NAA11: variants seen among roughly 807,000 people sequenced by gnomAD.
NAA11 encodes the protein N-alpha-acetyltransferase 11, NatA catalytic subunit, also known as N-alpha-acetyltransferase 11.
NAA11 carries 15 observed loss-of-function variants against 16.1 expected under a neutral mutation model. The observed-to-expected ratio is 0.93, with a 90% CI of 0.62 to 1.44. NAA11 has a LOEUF of 1.44. Ranked by LOEUF, NAA11 falls within the 40% of genes most tolerant of loss-of-function variation. NAA11 has a pLI of 0.00. For missense variants in NAA11, 298 were observed against 291.3 expected (o/e 1.02, Z -0.17); for synonymous variants, 122 against 112.4 (o/e 1.09, Z -0.54).
rs372353454 is a variant in NAA11, at chr4:79,325,542, C to T, written c.336G>A (p.Arg112=). Residue 112 remains arginine, a synonymous_variant, in exon 1 of 2, where the codon AGG becomes AGA. Transcript: ENST00000286794. ...FNAKYVSLHV[R]KSNRPALHLY... ...GGTGCAAGGCTGGCCGGTTACTCTT[C>T]CTGACGTGCAGAGACACGTATTTGG... The T allele has an allele frequency of 4.6e-5, 75 of 1,614,016 alleles. No individual in the cohort carries two copies. The highest frequency in any genetic ancestry group is 6.0e-5 in the Non-Finnish European group (71 of 1,179,998).
At chr4:79,200,093 A>G in the NAA11 span, among the ~76,000 whole-genome samples, 13 of 151,980 alleles carry the variant, frequency 8.6e-5, no homozygotes, top group African/African-American at 2.6e-4. Flanking sequence ...ACGAGAAGGC[A>G]TAGATCATGG....
chr4:79,187,508 G>A, the NAA11 span, among the ~76,000 whole-genome samples: 1 of 152,130 alleles, frequency 6.6e-6, no homozygotes, highest in Admixed American at 6.5e-5. Flanking sequence ...AATACTAACC[G>A]TGACAGTTAG....
the NAA11 span, among the ~76,000 whole-genome samples, chr4:79,209,127 T>C: frequency 6.6e-6 from 1 of 152,064 alleles, no homozygotes; most frequent in Admixed American, 6.6e-5. Flanking sequence ...GAACAATTTT[T>C]GAAATGTCGG....
the NAA11 span, among the ~76,000 whole-genome samples, chr4:79,162,347 C>G: frequency 6.6e-6 from 1 of 151,992 alleles, no homozygotes; most frequent in East Asian, 1.9e-4. Flanking sequence ...ATAGTTCTGC[C>G]TAATAAAAAA....
intron 1 of NAA11, among the ~76,000 whole-genome samples, chr4:79,297,982 C>T (rs1440366644): frequency 6.6e-6 from 1 of 152,216 alleles, no homozygotes; most frequent in African/African-American, 2.4e-5. Context: ...ACTTCCTCCC[C>T]ACTGAGGCTG....
the NAA11 span, among the ~76,000 whole-genome samples, chr4:79,195,495 C>A: frequency 9.9e-3 from 1,513 of 152,146 alleles, 31 homozygotes; most frequent in African/African-American, 0.033. Context: ...CTTTTAAAAT[C>A]TTTAAGAAAA....
the NAA11 span, among the ~76,000 whole-genome samples, chr4:79,204,980 G>T: frequency 6.6e-6 from 1 of 151,224 alleles, no homozygotes; most frequent in South Asian, 2.1e-4. Flanking sequence ...GTGGGTGTGT[G>T]TATATGTATA....
the NAA11 span, among the ~76,000 whole-genome samples, chr4:79,197,083 G>A: frequency 6.6e-6 from 1 of 151,078 alleles, no homozygotes; most frequent in Non-Finnish European, 1.5e-5. Context: ...ACAGATTTCT[G>A]ACTTCCACAA....
At chr4:79,187,113 G>T in the NAA11 span, among the ~76,000 whole-genome samples, 1 of 152,014 alleles carries the variant, frequency 6.6e-6, no homozygotes, top group African/African-American at 2.4e-5. Flanking sequence ...CATTTGGTTT[G>T]TCAGCTTTTC....
At chr4:79,234,709 A>C (rs1466134432) in intron 2 of NAA11, among the ~76,000 whole-genome samples, 1 of 152,114 alleles carries the variant, frequency 6.6e-6, no homozygotes, top group Non-Finnish European at 1.5e-5. Flanking sequence ...TGACCTTTTA[A>C]TAAGAATACA....
the NAA11 span, among the ~76,000 whole-genome samples, chr4:79,203,295 A>G: frequency 1.3e-5 from 2 of 151,770 alleles, no homozygotes; most frequent in African/African-American, 2.4e-5. Flanking sequence ...AGGTATTTGA[A>G]GCATCTTGCA....
intron 1 of NAA11, among the ~76,000 whole-genome samples, chr4:79,318,497 A>G (rs1172577451): frequency 6.6e-6 from 1 of 152,184 alleles, no homozygotes; most frequent in East Asian, 1.9e-4. Flanking sequence ...CTTTTCATCT[A>G]TCATATGCAC....
At chr4:79,211,255 C>G in the NAA11 span, among the ~76,000 whole-genome samples, 1 of 152,042 alleles carries the variant, frequency 6.6e-6, no homozygotes, top group East Asian at 1.9e-4. Context: ...TGAGCATGTT[C>G]TAATAAAGGC....
chr4:79,271,999 TAC>T (rs955211239), intron 2 of NAA11, among the ~76,000 whole-genome samples: 19 of 151,556 alleles, frequency 1.3e-4, no homozygotes, highest in East Asian at 3.9e-4. Context: ...TATATATGTA[TAC>T]ACACACACAC....
intron 2 of NAA11, among the ~76,000 whole-genome samples, chr4:79,234,643 T>G (rs1392897161): frequency 6.6e-6 from 1 of 152,114 alleles, no homozygotes; most frequent in African/African-American, 2.4e-5. Flanking sequence ...AATAGCCCCA[T>G]AAAACTTGTA....
chr4:79,323,954 G>A, intron 1 of NAA11, among the ~76,000 whole-genome samples: 1 of 150,746 alleles, frequency 6.6e-6, no homozygotes, highest in Admixed American at 6.6e-5. Flanking sequence ...AGTGAGCCGA[G>A]ATCGCGCCAC....
chr4:79,190,065 CA>C, the NAA11 span, among the ~76,000 whole-genome samples: 1 of 152,122 alleles, frequency 6.6e-6, no homozygotes, highest in African/African-American at 2.4e-5. Flanking sequence ...ACAGCAGAAA[CA>C]AAAAACCCGC....
the NAA11 span, among the ~76,000 whole-genome samples, chr4:79,200,447 A>C: frequency 6.6e-6 from 1 of 151,802 alleles, no homozygotes; most frequent in African/African-American, 2.4e-5. Flanking sequence ...CATTGGAATT[A>C]AGAGCAATAG....
At chr4:79,275,736 A>G (rs918100451) in intron 2 of NAA11, among the ~76,000 whole-genome samples, 1 of 152,122 alleles carries the variant, frequency 6.6e-6, no homozygotes, top group Admixed American at 6.6e-5. Context: ...GATAAGGATT[A>G]TAAAACTGAG....
Sources: gnomAD v4.1 joint callset for allele counts (sites outside exome capture counted in the v4.1 genomes callset) on GRCh38, gnomAD v4.1.1 for gene constraint, MANE v1.5 for transcripts, NCBI Gene and HGNC (gene_info 2026-07-23, HGNC 2026-07-21) for gene names.